The following LARS1 variants were observed in gnomAD, a reference collection of about 807,000 sequenced individuals.
The protein encoded by LARS1 is leucine--tRNA ligase, cytoplasmic.
Under a neutral mutation model 162.8 loss-of-function variants are expected in LARS1, and 100 were observed. The ratio of observed to expected loss-of-function variants is 0.61; its 90% CI spans 0.52 to 0.73. The LOEUF is 0.73. LARS1 is among the 30% of genes least tolerant of loss of function. LARS1 has a pLI of 0.00. For synonymous variants in LARS1, 457 were observed against 462.8 expected (o/e 0.99, Z 0.16); for missense variants, 1,258 against 1,408.9 (o/e 0.89, Z 1.71).
chr5:146,153,538 G>A (rs1169258199), intron 12 of LARS1, among the ~76,000 whole-genome samples, 196 bp downstream of exon 12: 1 of 121,664 alleles, frequency 8.2e-6, no homozygotes, highest in Non-Finnish European at 1.7e-5. Context: ...GTGAATATCA[G>A]AAAGCTTTTT....
chr5:146,143,177 C>T (rs1250966314), intron 19 of LARS1, 93 bp from the exon 20 acceptor site: 2 of 824,238 alleles, frequency 2.4e-6, no homozygotes, highest in Non-Finnish European at 3.5e-6. Flanking sequence ...GATTAGGAAT[C>T]TCTTTCTTAA....
intron 27 of LARS1, among the ~76,000 whole-genome samples, chr5:146,127,588 C>A (rs1752098535): frequency 6.6e-6 from 1 of 152,072 alleles, no homozygotes; most frequent in African/African-American, 2.4e-5. Context: ...TATTTGGGTT[C>A]TTCCACTGCT....
intron 6 of LARS1, among the ~76,000 whole-genome samples, chr5:146,161,249 G>A (rs555947387): frequency 1.3e-5 from 2 of 152,308 alleles, no homozygotes; most frequent in South Asian, 4.1e-4. Context: ...CTGGTGGAGA[G>A]TCTTGCCTCG....
At position 146,144,555 on chromosome 5, in the gene LARS1, G is replaced by C. The variant is rs377579574; in HGVS notation, c.1590-18C>G. 1 of 1,613,268 alleles carries C rather than the reference G, an allele frequency of 6.2e-7. No homozygotes were observed. The highest frequency in any genetic ancestry group is 8.5e-7 in the Non-Finnish European group (1 of 1,179,586). On this transcript the variant is annotated intron_variant, in intron 16 of 31. Transcript: ENST00000394434. The stretch of plus-strand genomic sequence containing the variant: ...CCAAGTACCTGGGAGTGGACAAATT[G>C]ATATGTTTTTTTTTAAGTCAAAGGT...
At chr5:146,142,709 T>C in intron 20 of LARS1, 163 bp downstream of exon 20, 3 of 574,090 alleles carry the variant, frequency 5.2e-6, no homozygotes, top group Non-Finnish European at 9.1e-6. Flanking sequence ...ATGTAAGAGA[T>C]AGGAGGTGGC....
chr5:146,156,402 C>T (rs1489790267), intron 10 of LARS1, among the ~76,000 whole-genome samples: 1 of 152,066 alleles, frequency 6.6e-6, no homozygotes, highest in Non-Finnish European at 1.5e-5. Flanking sequence ...ATTGATAATA[C>T]AGTAGATAAG....
chr5:146,115,059 A>C (rs1396443924), intron 31 of LARS1, among the ~76,000 whole-genome samples: 9 of 150,722 alleles, frequency 6.0e-5, no homozygotes, highest in Non-Finnish European at 1.5e-5. Flanking sequence ...AAAAAAAAAA[A>C]AAAAAAAACA....
At chr5:146,157,295 C>G (rs1188721945) in intron 10 of LARS1, 108 bp downstream of exon 10, 1 of 909,104 alleles carries the variant, frequency 1.1e-6, no homozygotes, top group African/African-American at 1.6e-5. Flanking sequence ...CAGTTTACTG[C>G]ATGTACACCT....
chr5:146,177,333 G>C (rs1581095736), intron 2 of LARS1, among the ~76,000 whole-genome samples: 1 of 151,730 alleles, frequency 6.6e-6, no homozygotes, highest in East Asian at 1.9e-4. Flanking sequence ...GGGCATGGTG[G>C]TGGGTGCCTG....
At chr5:146,174,944 G>A (rs1754486289) in intron 2 of LARS1, among the ~76,000 whole-genome samples, 1 of 152,122 alleles carries the variant, frequency 6.6e-6, no homozygotes, top group African/African-American at 2.4e-5. Context: ...TCAATGCTGG[G>A]TGCAGTGGCC....
rs1752758537 is a variant in LARS1, at chr5:146,141,087, G to A, written c.2091-826C>T. Among the ~76,000 whole-genome samples the A allele has an allele frequency of 2.6e-5, 4 of 152,136 alleles. No homozygotes were observed. In the South Asian group the frequency reaches 6.2e-4, roughly 24 times the overall value. On this transcript the variant is annotated intron_variant, in intron 20 of 31. Coordinates refer to ENST00000394434, the MANE Select transcript of LARS1 (RefSeq NM_020117.11). ...GATGAAAGTTCACTTTTAACTTTTT[G>A]CCTTTATGTATTCTTTAAATTTTCA...
chr5:146,153,905 T>G lies in LARS1; in HGVS notation c.1141A>C (p.Lys381Gln). 2 of 1,611,162 alleles carry G rather than the reference T, an allele frequency of 1.2e-6. No individual in the cohort carries two copies. The highest frequency in any genetic ancestry group is 2.2e-5 in the South Asian group (2 of 90,968). Residue 381 changes from lysine to glutamine, a missense_variant, in exon 11 of 32, where the codon AAG (lysine) becomes CAG (glutamine). Transcript: ENST00000394434. The stretch of plus-strand genomic sequence containing the variant: ...ATAAACTCTTTACCTTTATCCTCCT[T>G]AATAGTTAGCATTGGGAGAACATAG... ...VIYVLPMLTI[K>Q]EDKGTGVVTS...
chr5:146,174,507 TA>T (rs1754438622), intron 2 of LARS1, among the ~76,000 whole-genome samples: 1 of 65,130 alleles, frequency 1.5e-5, no homozygotes, highest in African/African-American at 4.6e-5. Flanking sequence ...TATCCATATA[TA>T]TATATATATA....
In LARS1 at chr5:146,175,087, C is replaced by T. The variant is rs569368491; in HGVS notation, c.126-2313G>A. Among the ~76,000 whole-genome samples, 4 of 152,122 alleles carry T rather than the reference C, an allele frequency of 2.6e-5. No individual in the cohort carries two copies. The South Asian group carries it at 6.2e-4, about 24-fold the overall frequency. On this transcript the variant is annotated intron_variant, in intron 2 of 31. Coordinates refer to ENST00000394434, the MANE Select transcript of LARS1 (RefSeq NM_020117.11). ...TAGAAAAATTACCTGGGTGTGGTGG[C>T]GTGCGCCTACAGTCCCACCTACTCA... is the stretch of plus-strand genomic sequence containing the variant.
intron 5 of LARS1, among the ~76,000 whole-genome samples, chr5:146,167,685 C>A (rs548055706): frequency 2.8e-4 from 42 of 151,526 alleles, no homozygotes; most frequent in Non-Finnish European, 5.6e-4. Context: ...TGAGCCACCA[C>A]GCCCGGCTAA....
Position 146,138,743 on chromosome 5 carries a change from AG to A in LARS1, c.2148+1460del, listed in dbSNP as rs67337351. 29 of 159,436 alleles carry A rather than the reference AG, an allele frequency of 1.8e-4. 1 individual carries two copies. Among genetic ancestry groups the A allele is most frequent in the South Asian group, 4.5e-4 (3 of 6,690 alleles). The allele number at this position is 159,436 out of a possible 1,614,324, so 9.9% of individuals were successfully genotyped here. On this transcript the variant is annotated intron_variant, in intron 21 of 31. Transcript: ENST00000394434. Reference sequence around the variant, plus strand: ...GACTCTGTCTCAAAAAAAAAAAAAAAGAAAGAAAAAGAAAAAAAAATTTGAA... The same window carrying A: ...GACTCTGTCTCAAAAAAAAAAAAAAAAAAGAAAAAGAAAAAAAAATTTGAA...
intron 6 of LARS1, among the ~76,000 whole-genome samples, chr5:146,161,954 G>C (rs146850759): frequency 1.1e-3 from 162 of 152,250 alleles, no homozygotes; most frequent in African/African-American, 3.6e-3. Context: ...TTTCTCATGA[G>C]ATTATAGCAA....
chr5:146,116,196 C>T (rs953913455), intron 31 of LARS1, among the ~76,000 whole-genome samples: 1 of 152,140 alleles, frequency 6.6e-6, no homozygotes, highest in Non-Finnish European at 1.5e-5. Context: ...ATGACAGCCA[C>T]GATCTTATTT....
In LARS1 at chr5:146,132,914, CA is replaced by C; in HGVS notation, c.2379del (p.Asn793LysfsTer9). 6.2e-7 allele frequency: 1 copy of C among 1,613,516 alleles called. No homozygotes were observed. The highest frequency in any genetic ancestry group is 1.1e-5 in the South Asian group (1 of 91,012). ...ACAGATTACCTGGCAAAAACTCTAT[CA>C]TTGAAAGTGCTGGCAGGACCACTTC... ...SLRSGPASTFNDRVFASELNA... is the reference protein window; with the variant it reads ...SLRSGPASTFXDRVFASELNA... On this transcript the variant is annotated frameshift_variant, in exon 23 of 32. Transcript: ENST00000394434. LOFTEE classifies it high-confidence loss of function.
Sources: gnomAD v4.1 joint callset for allele counts (sites outside exome capture counted in the v4.1 genomes callset) on GRCh38, gnomAD v4.1.1 for gene constraint, MANE v1.5 for transcripts, NCBI Gene and HGNC (gene_info 2026-07-23, HGNC 2026-07-21) for gene names.